Variants in UCHL3 observed in about 807,000 individuals in gnomAD.
UCHL3 encodes ubiquitin carboxyl-terminal hydrolase isozyme L3.
A neutral mutation model predicts 35.8 loss-of-function variants in UCHL3; 22 were observed. That is an observed-to-expected ratio of 0.61 (90% CI 0.44 to 0.88). The LOEUF is 0.88. Ranked by LOEUF, UCHL3 falls within the 40% of genes least tolerant of loss-of-function variation. The probability of loss-of-function intolerance (pLI) is 0.00; values close to 1 mark genes in which losing one functional copy is unlikely to be tolerated. For missense variants in UCHL3, 229 were observed against 276.9 expected, an observed-to-expected ratio of 0.83 and a Z score of 1.23; for synonymous variants, 90 against 92.8, an observed-to-expected ratio of 0.97 and a Z score of 0.17.
chr13:75,570,157 T>A (rs1016563612), intron 6 of UCHL3, among the ~76,000 whole-genome samples: 1 of 152,258 alleles, frequency 6.6e-6, no homozygotes, highest in Non-Finnish European at 1.5e-5. Context: ...CTGTTTGGTA[T>A]GTTTATATCA....
At chr13:75,560,723 TG>T (rs974961738) in intron 2 of UCHL3, 29 bp from the exon 3 acceptor site, 6 of 1,567,964 alleles carry the variant, frequency 3.8e-6, no homozygotes, top group East Asian at 2.2e-5. Flanking sequence ...AATGTTCCAT[TG>T]TTTTTTTTTT....
chr13:75,562,764 C>G (rs576549995), intron 3 of UCHL3, among the ~76,000 whole-genome samples: 5 of 152,154 alleles, frequency 3.3e-5, no homozygotes, highest in African/African-American at 1.2e-4. Flanking sequence ...AAAAACTTGT[C>G]CCTGTTGAAA....
intron 6 of UCHL3, among the ~76,000 whole-genome samples, chr13:75,570,759 A>G (rs1410535692): frequency 6.6e-6 from 1 of 152,104 alleles, no homozygotes; most frequent in Non-Finnish European, 1.5e-5. Context: ...GAGTAATAAA[A>G]ATTAGCCAGG....
chr13:75,571,816 C>G (rs1432618640), intron 6 of UCHL3, among the ~76,000 whole-genome samples: 1 of 152,062 alleles, frequency 6.6e-6, no homozygotes, highest in Non-Finnish European at 1.5e-5. Flanking sequence ...TCCCATCTCC[C>G]ACAGTTTAGA....
At chr13:75,599,012 C>T (rs531236058) in intron 7 of UCHL3, among the ~76,000 whole-genome samples, 44 of 152,154 alleles carry the variant, frequency 2.9e-4, no homozygotes, top group Non-Finnish European at 5.0e-4. Context: ...CAAATTACTG[C>T]AGACTTGGCC....
chr13:75,554,317 T>C (rs1480282522), intron 2 of UCHL3, among the ~76,000 whole-genome samples: 3 of 152,184 alleles, frequency 2.0e-5, no homozygotes, highest in African/African-American at 7.2e-5. Flanking sequence ...AGTTCCTTCA[T>C]TTCTTATAAT....
In UCHL3 at chr13:75,560,775, A is replaced by T. The variant is rs781516708; in HGVS notation, c.77A>T (p.His26Leu). Reference protein sequence around the residue: ...TNQFLKQLGLHPNWQFVDVYG... With the variant: ...TNQFLKQLGLLPNWQFVDVYG... ...CAGTTTCTTAAACAATTAGGTCTAC[A>T]TCCTAACTGGCAATTCGTTGATGTA... The change falls in exon 3 of 9, where the codon CAT becomes CTT. Residue 26 changes from histidine to leucine, a missense_variant. Transcript: ENST00000377595. 15 of 1,600,424 alleles carry T rather than the reference A, an allele frequency of 9.4e-6. No homozygotes were observed. The highest frequency in any genetic ancestry group is 5.3e-5 in the Admixed American group (3 of 57,122).
intron 2 of UCHL3, among the ~76,000 whole-genome samples, chr13:75,553,052 C>T (rs1227034088): frequency 2.0e-5 from 3 of 152,118 alleles, no homozygotes; most frequent in African/African-American, 7.2e-5. Context: ...TTCTATTTAG[C>T]CTGTATGCTT....
chr13:75,556,021 T>C (rs746180149), intron 2 of UCHL3, among the ~76,000 whole-genome samples: 9 of 152,260 alleles, frequency 5.9e-5, no homozygotes, highest in Non-Finnish European at 1.3e-4. Context: ...ACTGGTCACC[T>C]GCCTTTGGGC....
chr13:75,572,114 C>A (rs1234683821), intron 6 of UCHL3, among the ~76,000 whole-genome samples: 3 of 151,336 alleles, frequency 2.0e-5, no homozygotes, highest in African/African-American at 7.3e-5. Flanking sequence ...TTTAGCCATC[C>A]CTTATTTCCT....
intron 6 of UCHL3, among the ~76,000 whole-genome samples, chr13:75,574,013 C>T (rs566416302): frequency 5.9e-5 from 9 of 152,228 alleles, no homozygotes; most frequent in East Asian, 5.8e-4. Flanking sequence ...GTCAGGAGAT[C>T]GAGGCCATCC....
intron 5 of UCHL3, among the ~76,000 whole-genome samples, chr13:75,568,955 A>G (rs1280263849): frequency 6.6e-6 from 1 of 151,608 alleles, no homozygotes; most frequent in Admixed American, 6.6e-5. Flanking sequence ...GTTTTTTTTT[A>G]GTTCAGGAAA....
intron 7 of UCHL3, among the ~76,000 whole-genome samples, chr13:75,601,449 G>A (rs1017506500): frequency 3.9e-5 from 6 of 152,138 alleles, no homozygotes; most frequent in Non-Finnish European, 7.4e-5. Flanking sequence ...AGCAACCGCC[G>A]TCCTGATCAG....
chr13:75,589,549 A>G (rs1413409435), intron 6 of UCHL3, among the ~76,000 whole-genome samples: 2 of 151,922 alleles, frequency 1.3e-5, no homozygotes, highest in African/African-American at 4.8e-5. Context: ...CTATCACCAC[A>G]CAGTTTTCTT....
intron 3 of UCHL3, 108 bp from the exon 4 acceptor site, chr13:75,566,587 T>C (rs1350209360): frequency 4.2e-6 from 3 of 722,108 alleles, no homozygotes; most frequent in Non-Finnish European, 6.1e-6. Context: ...TTTTAAACCC[T>C]TTCTTTCATA....
At chr13:75,605,432 C>T (rs543249624) in intron 8 of UCHL3, among the ~76,000 whole-genome samples, 21 of 152,192 alleles carry the variant, frequency 1.4e-4, no homozygotes, top group Non-Finnish European at 2.1e-4. Flanking sequence ...TGCTTGAACC[C>T]GGAAGGCAGA....
At chr13:75,553,085 G>A (rs1032138221) in intron 2 of UCHL3, among the ~76,000 whole-genome samples, 10 of 152,084 alleles carry the variant, frequency 6.6e-5, no homozygotes, top group African/African-American at 2.4e-4. Flanking sequence ...AGAATTAGAG[G>A]TCATCTGCTG....
chr13:75,582,407 C>T (rs2032211943), intron 6 of UCHL3, among the ~76,000 whole-genome samples: 1 of 152,136 alleles, frequency 6.6e-6, no homozygotes, highest in South Asian at 2.1e-4. Context: ...AGTGGTGTAT[C>T]TACAGTCACA....
chr13:75,567,711 C>A (rs553789395), intron 5 of UCHL3, among the ~76,000 whole-genome samples: 1 of 152,196 alleles, frequency 6.6e-6, no homozygotes, highest in African/African-American at 2.4e-5. Context: ...CCACACCTGG[C>A]TAATTTTTGT....
Sources: allele counts gnomAD v4.1 joint callset (sites outside exome capture counted in the v4.1 genomes callset), GRCh38; gene constraint gnomAD v4.1.1; transcripts MANE v1.5; gene names NCBI Gene and HGNC (gene_info 2026-07-23, HGNC 2026-07-21).